The following C16orf74 variants were observed in gnomAD, a reference collection of about 807,000 sequenced individuals.
C16orf74 encodes calcimembrin, also known as uncharacterized protein C16orf74.
C16orf74 carries 10 observed loss-of-function variants against 6.5 expected under a neutral mutation model. The observed-to-expected ratio is 1.54, with a 90% CI of 0.95 to 2.61. C16orf74 has a LOEUF of 2.61. Ranked by LOEUF, C16orf74 falls within the 30% of genes most tolerant of loss-of-function variation. The pLI, the probability that C16orf74 is intolerant of heterozygous loss-of-function variation, is 0.00. For missense variants in C16orf74, 141 were observed against 105.9 expected, an observed-to-expected ratio of 1.33 and a Z score of -1.45; for synonymous variants, 60 against 42.5, an observed-to-expected ratio of 1.41 and a Z score of -1.60.
At chr16:85,743,271 C>T (rs1359035564) in intron 1 of C16orf74, 1 of 152,186 alleles carries the variant, frequency 6.6e-6, no homozygotes, top group Non-Finnish European at 1.5e-5. Context: ...TAGGGAAGAG[C>T]CACTGTTACC....
intron 1 of C16orf74, among the ~76,000 whole-genome samples, chr16:85,747,078 C>A (rs1262194392): frequency 2.0e-5 from 3 of 152,122 alleles, no homozygotes; most frequent in Non-Finnish European, 4.4e-5. Flanking sequence ...CCACCGAAAT[C>A]CCCACCTGCT....
intron 1 of C16orf74, among the ~76,000 whole-genome samples, chr16:85,737,483 G>C (rs796397628): frequency 1.3e-5 from 2 of 152,110 alleles, no homozygotes; most frequent in Non-Finnish European, 2.9e-5. Context: ...GGATCACTTG[G>C]GGCCAAGAGT....
At chr16:85,726,106 G>A (rs1394898234) in intron 2 of C16orf74, among the ~76,000 whole-genome samples, 1 of 151,820 alleles carries the variant, frequency 6.6e-6, no homozygotes, top group African/African-American at 2.4e-5. Context: ...CTCCAGTGTC[G>A]GCACCACAGA....
At chr16:85,749,445 G>C (rs2054411145) in intron 1 of C16orf74, among the ~76,000 whole-genome samples, 1 of 151,866 alleles carries the variant, frequency 6.6e-6, no homozygotes, top group South Asian at 2.1e-4. Context: ...ACCACACCCA[G>C]CTCATTAAAA....
chr16:85,725,355 G>A (rs931421229), intron 2 of C16orf74, among the ~76,000 whole-genome samples: 1 of 152,184 alleles, frequency 6.6e-6, no homozygotes, highest in African/African-American at 2.4e-5. Flanking sequence ...TGGGCAGCCA[G>A]TCCCCACCGC....
intron 2 of C16orf74, among the ~76,000 whole-genome samples, chr16:85,722,350 G>A (rs900527488): frequency 6.6e-5 from 10 of 152,240 alleles, no homozygotes; most frequent in African/African-American, 2.4e-4. Flanking sequence ...GAAAGGTGGT[G>A]AACGTTGCTA....
intron 2 of C16orf74, among the ~76,000 whole-genome samples, chr16:85,725,703 A>C (rs2054125922): frequency 6.6e-6 from 1 of 152,174 alleles, no homozygotes; most frequent in African/African-American, 2.4e-5. Context: ...TCCTGGGCTC[A>C]AGCAATCCTC....
intron 2 of C16orf74, among the ~76,000 whole-genome samples, chr16:85,720,044 T>A (rs1023839593): frequency 6.6e-6 from 1 of 151,230 alleles, no homozygotes; most frequent in Middle Eastern, 3.4e-3. Context: ...TCCAGATGCG[T>A]TTAATCTTTT....
At chr16:85,713,530 C>T (rs2053990165) in intron 2 of C16orf74, among the ~76,000 whole-genome samples, 1 of 152,206 alleles carries the variant, frequency 6.6e-6, no homozygotes, top group Non-Finnish European at 1.5e-5. Flanking sequence ...ACCTTGGCCT[C>T]CCAAAGTGCT....
chr16:85,717,557 C>G (rs868592043), intron 2 of C16orf74, among the ~76,000 whole-genome samples: 1 of 152,120 alleles, frequency 6.6e-6, no homozygotes, highest in Non-Finnish European at 1.5e-5. Context: ...AAATGACCCT[C>G]GGGGAGCCAG....
At chr16:85,738,491 A>T (rs1194310217) in intron 1 of C16orf74, among the ~76,000 whole-genome samples, 65 of 145,562 alleles carry the variant, frequency 4.5e-4, no homozygotes, top group Non-Finnish European at 8.2e-4. Context: ...CACCCAGCTA[A>T]TTTTTTTTTT....
At chr16:85,709,302 T>C (rs899436862) in intron 3 of C16orf74, among the ~76,000 whole-genome samples, 2 of 152,084 alleles carry the variant, frequency 1.3e-5, no homozygotes, top group Non-Finnish European at 2.9e-5. Context: ...TGCAGTGAGC[T>C]GAGAGTGCAC....
chr16:85,710,000 G>C (rs149058802), intron 3 of C16orf74, among the ~76,000 whole-genome samples, 164 bp downstream of exon 3: 1 of 152,238 alleles, frequency 6.6e-6, no homozygotes, highest in African/African-American at 2.4e-5. Context: ...CGTGGCAGGG[G>C]GCTCACGGTG....
Position 85,707,898 on chromosome 16 carries a change from CA to C in C16orf74, c.*109del. The C allele has an allele frequency of 1.1e-6, 1 of 913,684 alleles. No individual in the cohort carries two copies. The highest frequency in any genetic ancestry group is 1.7e-6 in the Non-Finnish European group (1 of 591,228). 56.6% of individuals were successfully genotyped at this position (913,684 alleles called of 1,614,324 possible). A position where few individuals can be genotyped will look rare whatever the true frequency, so the allele number is the denominator to read the frequency against. ...CTCTGAGCGGAGGCCCGGGTTCGCT[CA>C]GTTCCCATCCAGGGTATTCAGCACA... On this transcript the variant is annotated 3_prime_UTR_variant, in exon 4 of 4. Transcript: ENST00000284245.
chr16:85,737,492 G>A (rs1413308592), intron 1 of C16orf74, among the ~76,000 whole-genome samples: 3 of 152,212 alleles, frequency 2.0e-5, no homozygotes, highest in African/African-American at 7.2e-5. Context: ...GGGGCCAAGA[G>A]TACAAGACTA....
chr16:85,718,385 G>A (rs375404600), intron 2 of C16orf74, among the ~76,000 whole-genome samples: 6 of 152,310 alleles, frequency 3.9e-5, no homozygotes, highest in African/African-American at 9.6e-5. Flanking sequence ...TAAAAACAGC[G>A]TTTGGGCTTG....
chr16:85,720,682 G>A (rs2054073099), intron 2 of C16orf74, among the ~76,000 whole-genome samples: 1 of 148,898 alleles, frequency 6.7e-6, no homozygotes, highest in East Asian at 2.0e-4. Context: ...AGGCTGAGAA[G>A]GGAGGATTGC....
intron 2 of C16orf74, among the ~76,000 whole-genome samples, chr16:85,733,399 A>G (rs952920084): frequency 6.6e-6 from 1 of 152,072 alleles, no homozygotes; most frequent in Admixed American, 6.6e-5. Context: ...CTGGGGAGGG[A>G]ACGGGGAGTT....
chr16:85,750,375 C>T (rs570206115), intron 1 of C16orf74, among the ~76,000 whole-genome samples: 64 of 151,686 alleles, frequency 4.2e-4, no homozygotes, highest in African/African-American at 1.5e-3. Flanking sequence ...TCCGCTCGAG[C>T]GCAGCCAGCC....
Sources: gnomAD v4.1 joint callset for allele counts (sites outside exome capture counted in the v4.1 genomes callset) on GRCh38, gnomAD v4.1.1 for gene constraint, MANE v1.5 for transcripts, NCBI Gene and HGNC (gene_info 2026-07-23, HGNC 2026-07-21) for gene names.